Variants in CRAMP1 observed in about 807,000 individuals in gnomAD.
CRAMP1 encodes the protein protein cramped-like.
A neutral mutation model predicts 115.4 loss-of-function variants in CRAMP1; 50 were observed. The observed-to-expected ratio is 0.43, with a 90% CI of 0.35 to 0.55. The LOEUF (loss-of-function observed/expected upper bound fraction) is 0.55, where lower values mean the gene tolerates loss of function less well. Ranked by LOEUF, CRAMP1 falls within the 20% of genes least tolerant of loss-of-function variation. The pLI is 0.01. For missense variants in CRAMP1, 1,679 were observed against 1,721.7 expected (o/e 0.98, Z 0.44); for synonymous variants, 866 against 745.4 (o/e 1.16, Z -2.64).
intron 6 of CRAMP1, among the ~76,000 whole-genome samples, chr16:1,649,729 T>G (rs1423849469): frequency 6.6e-6 from 1 of 151,492 alleles, no homozygotes; most frequent in Non-Finnish European, 1.5e-5. Flanking sequence ...GACCTCGTGA[T>G]CTGCCTGCCT....
chr16:1,661,791 G>A (rs577748492), intron 11 of CRAMP1, among the ~76,000 whole-genome samples: 16 of 152,156 alleles, frequency 1.1e-4, no homozygotes, highest in African/African-American at 3.4e-4. Flanking sequence ...ACAGGGTTTC[G>A]CTATGTTGGC....
At chr16:1,622,190 C>T (rs966098409) in intron 2 of CRAMP1, among the ~76,000 whole-genome samples, 1 of 152,206 alleles carries the variant, frequency 6.6e-6, no homozygotes, top group African/African-American at 2.4e-5. Flanking sequence ...AGTTTCTGCT[C>T]TGAAGTTTGT....
intron 4 of CRAMP1, among the ~76,000 whole-genome samples, chr16:1,635,713 C>G (rs2036583602): frequency 6.6e-6 from 1 of 152,194 alleles, no homozygotes; most frequent in Non-Finnish European, 1.5e-5. Context: ...CCTTTTAAAG[C>G]ATACAACTTA....
chr16:1,663,219 A>T (rs888445880), intron 13 of CRAMP1, among the ~76,000 whole-genome samples: 1 of 152,178 alleles, frequency 6.6e-6, no homozygotes, highest in Non-Finnish European at 1.5e-5. Context: ...GTCCCCGAGG[A>T]TGCCGTATGC....
At chr16:1,632,662 C>T (rs1422615080) in intron 4 of CRAMP1, among the ~76,000 whole-genome samples, 1 of 152,248 alleles carries the variant, frequency 6.6e-6, no homozygotes, top group Non-Finnish European at 1.5e-5. Flanking sequence ...GGGTCCCTGG[C>T]TCACCTGAAG....
chr16:1,672,234 G>C lies in CRAMP1; in HGVS notation c.3645+1425G>C, dbSNP rs1353730186. 6.6e-6 allele frequency among the ~76,000 whole-genome samples: 1 copy of C among 152,208 alleles called. No individual in the cohort carries two copies. Among genetic ancestry groups the C allele is most frequent in the East Asian group, 1.9e-4 (1 of 5,200 alleles). On this transcript the variant is annotated intron_variant, in intron 20 of 20. Coordinates refer to ENST00000397412, the MANE Select transcript of CRAMP1 (RefSeq NM_020825.4). This position sits in a 1 kb window ranked among gnomAD's most constrained non-coding sequence, Gnocchi z 4.9. ...AAATCCTGGGCAACAGATGGCACTT[G>C]GGAGTGAGTAGCAGAGAAAGGGTGC...
rs2142209215 is a variant in CRAMP1 at position 1,669,457 on chromosome 16, T to G, written c.3499+292T>G. Among the ~76,000 whole-genome samples the G allele has an allele frequency of 6.6e-6, 1 of 152,288 alleles. No homozygotes were observed. Among genetic ancestry groups the G allele is most frequent in the East Asian group, 1.9e-4 (1 of 5,182 alleles). ...GTGACCCCAGATGCTGGGTTCTGTGTGCCTTCCCAGTCTGTTCAGCTAGCC... is the reference window on the plus strand; with the variant it reads ...GTGACCCCAGATGCTGGGTTCTGTGGGCCTTCCCAGTCTGTTCAGCTAGCC... On this transcript the variant is annotated intron_variant, in intron 19 of 20. Transcript: ENST00000397412. This position sits in a 1 kb window ranked among gnomAD's most constrained non-coding sequence, Gnocchi z 4.6.
intron 5 of CRAMP1, 41 bp from the exon 6 acceptor site, chr16:1,641,096 TAA>T: frequency 7.1e-7 from 1 of 1,418,096 alleles, no homozygotes. Flanking sequence ...GCTTTGCTCC[TAA>T]CTACATTGTG....
intron 10 of CRAMP1, among the ~76,000 whole-genome samples, chr16:1,659,438 T>C (rs547559614): frequency 9.2e-5 from 14 of 152,258 alleles, no homozygotes; most frequent in Middle Eastern, 3.4e-3. Context: ...TAGTCCAGGC[T>C]GGAGTGCAGT....
rs1375619428 is a variant in CRAMP1, at chr16:1,656,438, T to A, written c.1681T>A (p.Leu561Met). ...LEDELSLLDP[L>M]PRYLKSCQDL... ...GGACGAGCTCTCGCTTCTAGACCCC[T>A]TGCCCCGCTACCTAAAGTCCTGTCA... Residue 561 changes from leucine to methionine, a missense_variant, in exon 10 of 21, where the codon TTG becomes ATG. This residue lies in a region of CRAMP1 where 405 missense variants were observed against 302.6 expected (regional missense o/e 1.34). Coordinates refer to ENST00000397412, the MANE Select transcript of CRAMP1 (RefSeq NM_020825.4). This position sits in a 1 kb window ranked among gnomAD's most constrained non-coding sequence, Gnocchi z 5.6. The A allele has an allele frequency of 6.3e-7, 1 of 1,585,030 alleles. No homozygotes were observed. Among genetic ancestry groups the A allele is most frequent in the South Asian group, 1.2e-5 (1 of 86,868 alleles).
At chr16:1,668,851 C>A in intron 18 of CRAMP1, 150 bp from the exon 19 acceptor site, 1 of 726,978 alleles carries the variant, frequency 1.4e-6, no homozygotes. Flanking sequence ...TGCGGTGCTG[C>A]GCTCCTTACC....
In CRAMP1 at chr16:1,614,427, G is replaced by C. The variant is rs1384620250; in HGVS notation, c.-1-212G>C. 3.4e-5 allele frequency among the ~76,000 whole-genome samples: 5 copies of C among 145,650 alleles called. No homozygotes were observed. In the South Asian group the frequency reaches 1.0e-3, roughly 30 times the overall value. ...GGCCAGGGGGCGTCCGGGGAGGCCCGGGAGGGTCCCGGGCTGGTGGGCAGG... is the reference window on the plus strand; with the variant it reads ...GGCCAGGGGGCGTCCGGGGAGGCCCCGGAGGGTCCCGGGCTGGTGGGCAGG... On this transcript the variant is annotated intron_variant, in intron 1 of 20. Coordinates refer to ENST00000397412, the MANE Select transcript of CRAMP1 (RefSeq NM_020825.4). The surrounding 1 kb of genome is among the most constrained non-coding windows in gnomAD (Gnocchi z 4.4).
intron 6 of CRAMP1, chr16:1,647,048 C>G (rs964764749): frequency 1.4e-6 from 1 of 702,910 alleles, no homozygotes; most frequent in African/African-American, 1.7e-5. Flanking sequence ...AACAGGAAAC[C>G]TGTCAAGGTG....
chr16:1,662,860 G>A (rs140998532), intron 13 of CRAMP1, 25 bp downstream of exon 13: 46 of 1,597,342 alleles, frequency 2.9e-5, no homozygotes, highest in Middle Eastern at 1.7e-4. Context: ...AAGTCTGAAC[G>A]TGTGGCCTCG....
At chr16:1,630,435 A>C (rs2036540314) in intron 3 of CRAMP1, among the ~76,000 whole-genome samples, 1 of 152,202 alleles carries the variant, frequency 6.6e-6, no homozygotes, top group South Asian at 2.1e-4. Context: ...TACAGGCACG[A>C]GCCACCACCT....
At chr16:1,647,885 T>G (rs1374897295) in intron 6 of CRAMP1, among the ~76,000 whole-genome samples, 1 of 152,060 alleles carries the variant, frequency 6.6e-6, no homozygotes, top group Admixed American at 6.5e-5. Flanking sequence ...AGTCTTAGCC[T>G]GTCTTACAGC....
At chr16:1,647,428 G>A (rs1265411031) in intron 6 of CRAMP1, among the ~76,000 whole-genome samples, 1 of 152,150 alleles carries the variant, frequency 6.6e-6, no homozygotes, top group African/African-American at 2.4e-5. Context: ...GTTCTGTTCT[G>A]CAATGATATT....
At chr16:1,630,703 C>T (rs2036542468) in intron 3 of CRAMP1, among the ~76,000 whole-genome samples, 1 of 152,226 alleles carries the variant, frequency 6.6e-6, no homozygotes, top group Non-Finnish European at 1.5e-5. Flanking sequence ...CCTGGGACAG[C>T]TCCTGGGTTT....
chr16:1,650,929 C>G (rs1201809557), intron 6 of CRAMP1, among the ~76,000 whole-genome samples: 3 of 152,250 alleles, frequency 2.0e-5, no homozygotes, highest in African/African-American at 7.2e-5. Context: ...GGGGTCCACT[C>G]CTTGGAATTC....
Sources: gnomAD v4.1 joint callset for allele counts (sites outside exome capture counted in the v4.1 genomes callset) on GRCh38, gnomAD v4.1.1 for gene constraint, gnomAD v4.1.1 regional missense constraint, Gnocchi (gnomAD v3.1) non-coding constraint, MANE v1.5 for transcripts, NCBI Gene and HGNC (gene_info 2026-07-23, HGNC 2026-07-21) for gene names.